NALF1: variants seen among roughly 807,000 people sequenced by gnomAD.
The protein encoded by NALF1 is family with sequence similarity 155 member A.
NALF1 carries 3 observed loss-of-function variants against 48.4 expected under a neutral mutation model. The observed-to-expected ratio is 0.06, with a 90% confidence interval of 0.03 to 0.16. The LOEUF is 0.16. Ranked by LOEUF, NALF1 falls within the 10% of genes least tolerant of loss-of-function variation. The pLI is 1.00. For synonymous variants in NALF1, 262 were observed against 245.7 expected (o/e 1.07, Z -0.62); for missense variants, 526 against 571.5 (o/e 0.92, Z 0.81).
chr13:107,708,200 T>A (rs1381188411), intron 1 of NALF1, among the ~76,000 whole-genome samples: 2 of 152,228 alleles, frequency 1.3e-5, no homozygotes, highest in Non-Finnish European at 2.9e-5. Flanking sequence ...TTCTCCATTA[T>A]GTCTGAAATC....
intron 1 of NALF1, among the ~76,000 whole-genome samples, chr13:107,655,189 G>A (rs985815666): frequency 1.3e-5 from 2 of 151,990 alleles, no homozygotes; most frequent in East Asian, 1.9e-4. Flanking sequence ...GATGCAAATC[G>A]GTAAAGAGGA....
chr13:107,703,706 G>A (rs547604041), intron 1 of NALF1, among the ~76,000 whole-genome samples: 3 of 151,986 alleles, frequency 2.0e-5, no homozygotes, highest in South Asian at 2.1e-4. Flanking sequence ...ATTTTCAAAC[G>A]CATCTGGAAA....
chr13:107,799,452 A>T, intron 1 of NALF1, among the ~76,000 whole-genome samples: 1 of 152,150 alleles, frequency 6.6e-6, no homozygotes, highest in East Asian at 1.9e-4. Flanking sequence ...AGTTTTCTTG[A>T]ATCTTTCTTT....
chr13:107,709,371 C>A (rs1875500971), intron 1 of NALF1, among the ~76,000 whole-genome samples: 1 of 152,196 alleles, frequency 6.6e-6, no homozygotes, highest in Admixed American at 6.5e-5. Context: ...GCTGAGCTGA[C>A]TTTCTGGTTA....
chr13:107,244,201 C>A (rs1469946918), intron 1 of NALF1, among the ~76,000 whole-genome samples: 1 of 152,128 alleles, frequency 6.6e-6, no homozygotes, highest in Admixed American at 6.5e-5. Context: ...GGGGAGAGAG[C>A]AAAGTTTGGA....
At chr13:107,659,197 G>T (rs944790253) in intron 1 of NALF1, among the ~76,000 whole-genome samples, 2 of 151,518 alleles carry the variant, frequency 1.3e-5, no homozygotes, top group Non-Finnish European at 2.9e-5. Context: ...AGAATCCACT[G>T]AAGTGTCACG....
intron 1 of NALF1, among the ~76,000 whole-genome samples, chr13:107,298,488 C>G (rs1184884928): frequency 6.6e-6 from 1 of 151,298 alleles, no homozygotes; most frequent in Non-Finnish European, 1.5e-5. Context: ...CTAGAGTGCA[C>G]TGGTGCAATC....
At chr13:107,571,200 T>C (rs1210730760) in intron 1 of NALF1, among the ~76,000 whole-genome samples, 28 of 152,180 alleles carry the variant, frequency 1.8e-4, no homozygotes. Flanking sequence ...GTGTCTTTTT[T>C]TAATTCATAA....
At position 107,866,161 on chromosome 13, in the gene NALF1, T is replaced by A. The variant is rs779952864; in HGVS notation, c.436A>T (p.Asn146Tyr). ...TTGCCCCGGTCGTCTTTGCCTCGGT[T>A]GCCCTTGCCGCCGCCGCCGCCGCCG... ...GDGGGGGGKGNRGKDDRGKAL... is the reference protein window; with the variant it reads ...GDGGGGGGKGYRGKDDRGKAL... Residue 146 changes from asparagine (N) to tyrosine (Y), a missense_variant, in exon 1 of 3, where the codon AAC (asparagine) becomes TAC (tyrosine). By Grantham distance (143) the Asn-to-Tyr change is moderately radical (BLOSUM62 -2). This residue lies in a region of NALF1 where 373 missense variants were observed against 355.5 expected (regional missense o/e 1.05). Coordinates refer to ENST00000375915, the MANE Select transcript of NALF1 (RefSeq NM_001080396.3). This position sits in a 1 kb window ranked among gnomAD's most constrained non-coding sequence, Gnocchi z 4.4. 3 of 1,607,646 alleles carry A rather than the reference T, an allele frequency of 1.9e-6. No homozygotes were observed. The highest frequency in any genetic ancestry group is 2.2e-5 in the South Asian group (2 of 90,552).
intron 1 of NALF1, among the ~76,000 whole-genome samples, chr13:107,536,238 A>G (rs966711583): frequency 1.3e-5 from 2 of 152,202 alleles, no homozygotes; most frequent in African/African-American, 4.8e-5. Context: ...GGATCTAATT[A>G]AACTAAAGAG....
chr13:107,529,620 C>A (rs145379541), intron 1 of NALF1, among the ~76,000 whole-genome samples: 6 of 152,274 alleles, frequency 3.9e-5, no homozygotes, highest in African/African-American at 1.2e-4. Context: ...CCAGCTCTTC[C>A]AAGATGGCCC....
Position 107,618,867 on chromosome 13 carries a change from A to G in NALF1, c.915+246815T>C, listed in dbSNP as rs145694464. On this transcript the variant is annotated intron_variant, in intron 1 of 2. Coordinates refer to ENST00000375915, the MANE Select transcript of NALF1 (RefSeq NM_001080396.3). ...AGACTCACAGTTTGGAGATGGGCTA[A>G]GATATAGGAACAATAGCAAAAGCTA... is the stretch of plus-strand genomic sequence containing the variant. Among the ~76,000 whole-genome samples, 50 of 152,342 alleles carry G rather than the reference A, an allele frequency of 3.3e-4. No homozygotes were observed. The East Asian group carries it at 9.3e-3, about 28-fold the overall frequency.
chr13:107,737,361 A>G (rs1293500868), intron 1 of NALF1, among the ~76,000 whole-genome samples: 1 of 152,236 alleles, frequency 6.6e-6, no homozygotes, highest in African/African-American at 2.4e-5. Flanking sequence ...AGTTTTATTA[A>G]CATTCCAATG....
intron 1 of NALF1, among the ~76,000 whole-genome samples, chr13:107,513,118 A>G (rs1014775546): frequency 1.3e-5 from 2 of 152,214 alleles, no homozygotes; most frequent in Non-Finnish European, 2.9e-5. Flanking sequence ...GAAGGACTGC[A>G]TAAGGATTCG....
At chr13:107,442,997 A>G (rs925584379) in intron 1 of NALF1, among the ~76,000 whole-genome samples, 2 of 152,202 alleles carry the variant, frequency 1.3e-5, no homozygotes, top group African/African-American at 4.8e-5. Flanking sequence ...TGAAATAAAA[A>G]TGTTTTAAAA....
chr13:107,757,510 T>C (rs555467482), intron 1 of NALF1, among the ~76,000 whole-genome samples: 4 of 149,922 alleles, frequency 2.7e-5, no homozygotes, highest in African/African-American at 9.8e-5. Flanking sequence ...GCCCCAACTA[T>C]GAAAAAGTAA....
intron 1 of NALF1, among the ~76,000 whole-genome samples, chr13:107,426,618 TG>T (rs1884285287): frequency 6.6e-6 from 1 of 152,188 alleles, no homozygotes; most frequent in Non-Finnish European, 1.5e-5. Flanking sequence ...AAATCACATG[TG>T]CTTTTGAGAT....
intron 1 of NALF1, among the ~76,000 whole-genome samples, chr13:107,259,516 GGAGT>G (rs1880888256): frequency 1.3e-5 from 2 of 152,260 alleles, no homozygotes; most frequent in African/African-American, 4.8e-5. Context: ...GGACATTGCT[GGAGT>G]GAGTGAGTGA....
At chr13:107,638,382 T>C (rs1031470992) in intron 1 of NALF1, among the ~76,000 whole-genome samples, 7 of 151,626 alleles carry the variant, frequency 4.6e-5, no homozygotes, top group Non-Finnish European at 8.8e-5. Context: ...GTAACCTAGG[T>C]AAGGAAAGTA....
Sources: gnomAD v4.1 joint callset for allele counts (sites outside exome capture counted in the v4.1 genomes callset) on GRCh38, gnomAD v4.1.1 for gene constraint, gnomAD v4.1.1 regional missense constraint, Gnocchi (gnomAD v3.1) non-coding constraint, MANE v1.5 for transcripts, NCBI Gene and HGNC (gene_info 2026-07-23, HGNC 2026-07-21) for gene names.